Variants in CCDC141 observed in about 807,000 individuals in gnomAD.
The protein encoded by CCDC141 is coiled-coil domain containing 141.
In CCDC141, 168 loss-of-function variants were observed where a neutral mutation model predicts 181.0. That is an observed-to-expected ratio of 0.93 (90% CI 0.82 to 1.05). The LOEUF (loss-of-function observed/expected upper bound fraction) is 1.05. Among genes scored for constraint, CCDC141 ranks in the 50% least tolerant of loss-of-function variants. CCDC141 has a pLI of 0.00. For synonymous variants in CCDC141, 666 were observed against 642.3 expected (o/e 1.04, Z -0.56); for missense variants, 1,902 against 1,788.5 (o/e 1.06, Z -1.14).
intron 2 of CCDC141, among the ~76,000 whole-genome samples, chr2:179,010,792 G>A (rs1209483016): frequency 6.6e-6 from 1 of 152,076 alleles, no homozygotes; most frequent in Non-Finnish European, 1.5e-5. Context: ...GCAACAAAGA[G>A]CACAATGAAT....
At chr2:178,946,852 G>C (rs182922335) in intron 5 of CCDC141, among the ~76,000 whole-genome samples, 2 of 152,168 alleles carry the variant, frequency 1.3e-5, no homozygotes, top group Non-Finnish European at 2.9e-5. Context: ...AAAGACATAC[G>C]ATAATGTTCA....
At chr2:178,893,813 ACACACACACG>A (rs1490146802) in intron 8 of CCDC141, among the ~76,000 whole-genome samples, 41 of 139,018 alleles carry the variant, frequency 2.9e-4, no homozygotes, top group Middle Eastern at 3.7e-3. Context: ...ACACACACAC[ACACACACACG>A]CACACACACA....
chr2:178,902,720 C>G (rs1323450307), intron 8 of CCDC141, among the ~76,000 whole-genome samples: 3 of 149,948 alleles, frequency 2.0e-5, no homozygotes, highest in Admixed American at 6.9e-5. Context: ...TCTAAACCAC[C>G]AAAAGCAATG....
chr2:178,821,303 C>T, the CCDC141 span, among the ~76,000 whole-genome samples: 1 of 151,940 alleles, frequency 6.6e-6, no homozygotes, highest in Non-Finnish European at 1.5e-5. Context: ...GTTATGACTG[C>T]CAAAAAGTAC....
At chr2:178,982,188 C>T (rs1172853882) in intron 2 of CCDC141, among the ~76,000 whole-genome samples, 1 of 152,104 alleles carries the variant, frequency 6.6e-6, no homozygotes, top group Non-Finnish European at 1.5e-5. Context: ...GCCCAGGTGA[C>T]TACACTGGTG....
chr2:178,907,268 T>A (rs776804552), intron 7 of CCDC141, among the ~76,000 whole-genome samples: 1 of 152,198 alleles, frequency 6.6e-6, no homozygotes, highest in African/African-American at 2.4e-5. Flanking sequence ...ATTATATGAC[T>A]GGGAAAACTG....
chr2:178,923,678 CG>C (rs1432800834), intron 6 of CCDC141, among the ~76,000 whole-genome samples: 1 of 152,118 alleles, frequency 6.6e-6, no homozygotes, highest in Non-Finnish European at 1.5e-5. Flanking sequence ...GAGATGCGTG[CG>C]TATCTCCGAC....
intron 2 of CCDC141, among the ~76,000 whole-genome samples, chr2:179,038,479 A>C (rs1480980675): frequency 6.6e-6 from 1 of 152,168 alleles, no homozygotes; most frequent in Non-Finnish European, 1.5e-5. Flanking sequence ...ATGCCACTGA[A>C]TTGTACATAT....
chr2:178,964,263 A>AAC lies in CCDC141; in HGVS notation c.527-2782_527-2781dup, dbSNP rs142484909. ...ATGATATTGTGAACAGCTACACGCA[A>AAC]ACACACACACACACATACAGCCCAC... On this transcript the variant is annotated intron_variant, in intron 4 of 23. Coordinates refer to ENST00000443758, the MANE Select transcript of CCDC141 (RefSeq NM_173648.4). 2.4e-3 allele frequency among the ~76,000 whole-genome samples: 362 copies of AAC among 151,794 alleles called. 2 individuals are homozygous for AAC. The highest frequency in any genetic ancestry group is 7.7e-3 in the African/African-American group (321 of 41,426).
chr2:178,850,502 C>G (rs1266982950), intron 20 of CCDC141, among the ~76,000 whole-genome samples: 1 of 152,156 alleles, frequency 6.6e-6, no homozygotes, highest in Non-Finnish European at 1.5e-5. Context: ...GGATGGCATT[C>G]AAGTCCCTTC....
chr2:178,997,290 C>G (rs535056885), intron 2 of CCDC141, among the ~76,000 whole-genome samples: 3 of 152,134 alleles, frequency 2.0e-5, no homozygotes, highest in Non-Finnish European at 4.4e-5. Flanking sequence ...CCTTCTGAAT[C>G]TGGTGATTGC....
At chr2:178,989,346 C>T (rs1691914534) in intron 2 of CCDC141, among the ~76,000 whole-genome samples, 1 of 151,986 alleles carries the variant, frequency 6.6e-6, no homozygotes, top group African/African-American at 2.4e-5. Flanking sequence ...GTAATCCCAG[C>T]TCTTTGGGAG....
At chr2:178,891,736 A>C (rs56736089) in intron 8 of CCDC141, among the ~76,000 whole-genome samples, 13,448 of 151,866 alleles carry the variant, frequency 0.089, 742 homozygotes, top group Admixed American at 0.16. Flanking sequence ...AGCAACCTGC[A>C]ATTTTAATTT....
intron 6 of CCDC141, among the ~76,000 whole-genome samples, chr2:178,920,695 TACACACACACACACACACACACACAC>T (rs59015092): frequency 2.0e-5 from 3 of 146,662 alleles, no homozygotes; most frequent in Non-Finnish European, 4.5e-5. Context: ...CTGAACTCCA[TACACACACACACACACACACACACAC>T]ACACACACTC....
chr2:178,948,516 A>G (rs1288061069), intron 5 of CCDC141, among the ~76,000 whole-genome samples: 4 of 152,182 alleles, frequency 2.6e-5, no homozygotes, highest in Admixed American at 6.5e-5. Context: ...AGTTGGTAGC[A>G]TTTATGAACA....
At chr2:178,919,618 T>C (rs764389390) in intron 6 of CCDC141, among the ~76,000 whole-genome samples, 1 of 152,240 alleles carries the variant, frequency 6.6e-6, no homozygotes, top group Non-Finnish European at 1.5e-5. Flanking sequence ...GTGTATTCAT[T>C]TAAGTATAAA....
chr2:179,039,803 T>A (rs1004370058), intron 2 of CCDC141, among the ~76,000 whole-genome samples: 5 of 152,220 alleles, frequency 3.3e-5, no homozygotes, highest in African/African-American at 1.2e-4. Flanking sequence ...CAGGTTAAGT[T>A]TGTGCCTATC....
intron 21 of CCDC141, among the ~76,000 whole-genome samples, chr2:178,849,416 T>C (rs907301027): frequency 1.3e-5 from 2 of 152,218 alleles, no homozygotes; most frequent in African/African-American, 2.4e-5. Flanking sequence ...GACCTTGCTG[T>C]TCTCCCCATC....
chr2:178,901,616 A>G (rs2154372479), intron 8 of CCDC141, among the ~76,000 whole-genome samples: 1 of 152,228 alleles, frequency 6.6e-6, no homozygotes, highest in Middle Eastern at 3.4e-3. Flanking sequence ...TCAAAATAAT[A>G]AGAGCTATCT....
Sources: allele counts gnomAD v4.1 joint callset (sites outside exome capture counted in the v4.1 genomes callset), GRCh38; gene constraint gnomAD v4.1.1; transcripts MANE v1.5; gene names NCBI Gene and HGNC (gene_info 2026-07-23, HGNC 2026-07-21).